Variants in GLA observed in about 807,000 individuals in gnomAD.
The protein encoded by GLA is alpha-galactosidase A.
In GLA, 4 loss-of-function variants were observed where a neutral mutation model predicts 28.2. The ratio of observed to expected loss-of-function variants is 0.14; its 90% confidence interval spans 0.07 to 0.32. The LOEUF (loss-of-function observed/expected upper bound fraction) is 0.32, where lower values mean the gene tolerates loss of function less well. GLA is among the 10% of genes least tolerant of loss of function. The pLI is 1.00. For missense variants in GLA, 203 were observed against 323.7 expected (o/e 0.63, Z 2.86); for synonymous variants, 94 against 113.0 (o/e 0.83, Z 1.07).
intron 4 of GLA, among the ~76,000 whole-genome samples, chrX:101,399,333 G>A (rs1256025192): frequency 1.8e-5 from 2 of 112,603 alleles, no homozygotes; most frequent in Non-Finnish European, 3.8e-5. Context: ...TTGGGAGGCC[G>A]AGGCAGGTGG....
chrX:101,405,023 A>C (rs1243858101), intron 1 of GLA, among the ~76,000 whole-genome samples: 2 of 110,259 alleles, frequency 1.8e-5, no homozygotes, highest in African/African-American at 6.6e-5. Flanking sequence ...AGATCACCTG[A>C]GGCTGGGAGT....
chrX:101,398,516 C>T lies in GLA; in HGVS notation c.853G>A (p.Ala285Thr), dbSNP rs1555985001. 8.3e-7 allele frequency: 1 copy of T among 1,208,087 alleles called. No homozygotes were observed. Residue 285 changes from alanine to threonine, a missense_variant, in exon 6 of 7, where the codon GCC becomes ACC. Transcript: ENST00000218516. ...LSWNQQVTQM[A>T]LWAIMAAPLF... ...GGAGCAGCCATGATAGCCCAGAGGG[C>T]CATCTGAGTTACTTGCTGATTCCAG...
intron 4 of GLA, 61 bp downstream of exon 4, chrX:101,400,605 C>G: frequency 1.5e-6 from 1 of 663,789 alleles, no homozygotes; most frequent in Non-Finnish European, 2.5e-6. Flanking sequence ...CCTTGGTTTC[C>G]TTTGTTGTCA....
chrX:101,397,804 A>G lies in GLA; in HGVS notation c.*5T>C. The G allele has an allele frequency of 1.7e-6, 2 of 1,184,561 alleles. No homozygotes were observed. Among genetic ancestry groups the G allele is most frequent in the Non-Finnish European group, 2.3e-6 (2 of 870,602 alleles). The stretch of plus-strand genomic sequence containing the variant: ...GAAGTAGTAGTTGGCAATAAAATAA[A>G]CATTTTAAAGTAAGTCTTTTAATGA... On this transcript the variant is annotated 3_prime_UTR_variant, in exon 7 of 7. Transcript: ENST00000218516.
intron 1 of GLA, among the ~76,000 whole-genome samples, chrX:101,404,822 G>C (rs1005188786): frequency 4.3e-4 from 48 of 110,836 alleles, no homozygotes; most frequent in African/African-American, 1.5e-3. Context: ...ACCTGCCTCA[G>C]ACTCCCAAAA....
In GLA at chrX:101,397,862, C is replaced by T. The variant is rs782430535; in HGVS notation, c.1237G>A (p.Val413Ile). The T allele has an allele frequency of 1.7e-6, 2 of 1,207,781 alleles. No individual in the cohort carries two copies. Among genetic ancestry groups the T allele is most frequent in the South Asian group, 1.8e-5 (1 of 56,955 alleles). The change falls in exon 7 of 7, where the codon GTT (valine) becomes ATT (isoleucine). Residue 413 changes from valine (V) to isoleucine (I), a missense_variant. Transcript: ENST00000218516. The stretch of plus-strand genomic sequence containing the variant: ...ATTGTATTTTCTAGCTGAAGCAAAA[C>T]AGTGCCTGTGGGATTTATGTGACTT... ...LRSHINPTGT[V>I]LLQLENTMQM...
At chrX:101,402,388 A>AT (rs1928346901) in intron 2 of GLA, among the ~76,000 whole-genome samples, 1 of 111,955 alleles carries the variant, frequency 8.9e-6, no homozygotes, top group Admixed American at 9.5e-5. Flanking sequence ...CAATCTGCTC[A>AT]TTGGCTATAA....
intron 1 of GLA, 80 bp from the exon 2 acceptor site, chrX:101,404,065 T>C: frequency 1.1e-6 from 1 of 902,614 alleles, no homozygotes; most frequent in Non-Finnish European, 1.6e-6. Context: ...CACCTTGGGA[T>C]TTCACAATTT....
Position 101,398,300 on chromosome X carries a change from T to C in GLA, c.999+70A>G, listed in dbSNP as rs1289740412. On this transcript the variant is annotated intron_variant, in intron 6 of 6. Transcript: ENST00000218516. Reference sequence around the variant, plus strand: ...TAACATCAAGAGCAAGGGAAAAAAATAGATTTAGGCCCAAGACAAAGTTGG... The same window carrying C: ...TAACATCAAGAGCAAGGGAAAAAAACAGATTTAGGCCCAAGACAAAGTTGG... 9 of 878,593 alleles carry C rather than the reference T, an allele frequency of 1.0e-5. No homozygotes were observed. The highest frequency in any genetic ancestry group is 4.4e-5 in the Admixed American group (2 of 45,344). The allele number at this position is 878,593 out of a possible 1,213,427, so 72.4% of individuals were successfully genotyped here. A position where few individuals can be genotyped will look rare whatever the true frequency, so the allele number is the denominator to read the frequency against.
chrX:101,404,566 C>CTTTTTTTTT (rs1171364737), intron 1 of GLA, among the ~76,000 whole-genome samples: 42 of 79,163 alleles, frequency 5.3e-4, no homozygotes, highest in Non-Finnish European at 6.1e-4. Flanking sequence ...TCCTTTTTAT[C>CTTTTTTTTT]TTTTTTTTTT....
chrX:101,400,529 G>A, intron 4 of GLA, 137 bp downstream of exon 4: 1 of 506,464 alleles, frequency 2.0e-6, no homozygotes, highest in Non-Finnish European at 3.6e-6. Context: ...TGGGGATGGT[G>A]AGAAGTGGTT....
At position 101,398,959 on chromosome X, in the gene GLA, A is replaced by G. The variant is rs1555985208; in HGVS notation, c.640-13T>C. 8.4e-7 allele frequency: 1 copy of G among 1,188,769 alleles called. No homozygotes were observed. Among genetic ancestry groups the G allele is most frequent in the East Asian group, 3.0e-5 (1 of 33,781 alleles). On this transcript the variant is annotated splice_polypyrimidine_tract_variant and intron_variant, in intron 4 of 6. Coordinates refer to ENST00000218516, the MANE Select transcript of GLA (RefSeq NM_000169.3). ...CTGTATAATTGGGCTGTGAAAACAG[A>G]TATGACTCTTCTGTTTACTTTCTAC... is the stretch of plus-strand genomic sequence containing the variant.
At chrX:101,401,051 G>A (rs953947787) in intron 3 of GLA, among the ~76,000 whole-genome samples, 1 of 110,792 alleles carries the variant, frequency 9.0e-6, no homozygotes, top group African/African-American at 3.3e-5. Context: ...GGCCAGGGTG[G>A]TCTCGAACTC....
intron 4 of GLA, 116 bp from the exon 5 acceptor site, chrX:101,399,062 A>T: frequency 1.6e-6 from 1 of 643,760 alleles, no homozygotes; most frequent in Non-Finnish European, 2.6e-6. Flanking sequence ...GAACGTCTCC[A>T]TAAGGAGGTC....
chrX:101,406,389 T>C (rs1330174314), intron 1 of GLA, among the ~76,000 whole-genome samples: 1 of 111,301 alleles, frequency 9.0e-6, no homozygotes, highest in African/African-American at 3.3e-5. Context: ...TTCATTTATA[T>C]AGAAAACAAT....
At chrX:101,404,127 T>G in intron 1 of GLA, 142 bp from the exon 2 acceptor site, 1 of 543,516 alleles carries the variant, frequency 1.8e-6, no homozygotes, top group Admixed American at 2.7e-5. Context: ...TAAGGTAAAA[T>G]GAATTGTTTT....
rs5903184 is a variant in GLA, at chrX:101,401,885, AGGCTG to A, written c.370-81_370-77del. The A allele has an allele frequency of 0.13, 126,700 of 967,734 alleles. 6,272 individuals are homozygous for A. The highest frequency in any genetic ancestry group is 0.3 in the South Asian group (15,240 of 51,494). 79.8% of individuals were successfully genotyped at this position (967,734 alleles called of 1,213,427 possible). A position where few individuals can be genotyped will look rare whatever the true frequency, so the allele number is the denominator to read the frequency against. On this transcript the variant is annotated intron_variant, in intron 2 of 6. Coordinates refer to ENST00000218516, the MANE Select transcript of GLA (RefSeq NM_000169.3). ...GGTAGCAGAAAGAGAGAACCATTCC[AGGCTG>A]GGGGAAGAGACAAGGTTACTTCACC...
chrX:101,407,611 T>C, intron 1 of GLA, 99 bp downstream of exon 1: 2 of 798,975 alleles, frequency 2.5e-6, no homozygotes, highest in Non-Finnish European at 3.9e-6. Flanking sequence ...GGGGGAGCTC[T>C]CCCTCGGGCT....
At chrX:101,402,547 A>C (rs1555985991) in intron 2 of GLA, among the ~76,000 whole-genome samples, 1 of 109,489 alleles carries the variant, frequency 9.1e-6, no homozygotes, top group Non-Finnish European at 1.9e-5. Flanking sequence ...GGCGGATTAC[A>C]AGGTCAGGAG....
Sources: gnomAD v4.1 joint callset for allele counts (sites outside exome capture counted in the v4.1 genomes callset) on GRCh38, gnomAD v4.1.1 for gene constraint, MANE v1.5 for transcripts, NCBI Gene and HGNC (gene_info 2026-07-23, HGNC 2026-07-21) for gene names.